BICC1: variants seen among roughly 807,000 people sequenced by gnomAD.
BICC1 encodes protein bicaudal C homolog 1.
Under a neutral mutation model 111.0 loss-of-function variants are expected in BICC1, and 43 were observed. That is an observed-to-expected ratio of 0.39 (90% CI 0.30 to 0.50). The LOEUF is 0.50. Ranked by LOEUF, BICC1 falls within the 20% of genes least tolerant of loss-of-function variation. The probability of loss-of-function intolerance (pLI) is 0.88; values close to 1 mark genes in which losing one functional copy is unlikely to be tolerated. For synonymous variants in BICC1, 467 were observed against 434.4 expected (o/e 1.07, Z -0.93); for missense variants, 1,091 against 1,203.2 (o/e 0.91, Z 1.38).
Position 58,806,996 on chromosome 10 carries a change from T to G in BICC1, c.2222-8T>G. On this transcript the variant is annotated splice_polypyrimidine_tract_variant and splice_region_variant and intron_variant, in intron 16 of 20. Coordinates refer to ENST00000373886, the MANE Select transcript of BICC1 (RefSeq NM_001080512.3). ...ATACCAAGCATTGGTTTTATTTTGT[T>G]TCCAAAGCTATGTTAAAGAAACCAG... The G allele has an allele frequency of 6.2e-7, 1 of 1,608,538 alleles. No homozygotes were observed. Among genetic ancestry groups the G allele is most frequent in the Non-Finnish European group, 8.5e-7 (1 of 1,177,622 alleles).
intron 1 of BICC1, among the ~76,000 whole-genome samples, chr10:58,548,350 T>A (rs1843195682): frequency 6.6e-6 from 1 of 152,230 alleles, no homozygotes; most frequent in Admixed American, 6.5e-5. Flanking sequence ...CAGTGCCTTT[T>A]GCCTTTAGTC....
At chr10:58,826,684 G>A (rs557156047) in intron 20 of BICC1, among the ~76,000 whole-genome samples, 1 of 138,554 alleles carries the variant, frequency 7.2e-6, no homozygotes, top group Middle Eastern at 3.7e-3. Context: ...ACATGAACCC[G>A]GGAAGCGGAG....
intron 1 of BICC1, among the ~76,000 whole-genome samples, chr10:58,538,090 A>G (rs1842867330): frequency 6.6e-6 from 1 of 151,862 alleles, no homozygotes; most frequent in Non-Finnish European, 1.5e-5. Context: ...AAAATAACCA[A>G]CATCGTTTTT....
chr10:58,576,853 A>G (rs1041836828), intron 1 of BICC1, among the ~76,000 whole-genome samples: 2 of 152,198 alleles, frequency 1.3e-5, no homozygotes, highest in African/African-American at 4.8e-5. Context: ...AAAGAAAGTT[A>G]TCCCAGATGT....
intron 3 of BICC1, among the ~76,000 whole-genome samples, chr10:58,738,272 G>A (rs1841539608): frequency 6.6e-6 from 1 of 152,256 alleles, no homozygotes; most frequent in South Asian, 2.1e-4. Context: ...TGTATAAGAT[G>A]TAAGGAAGGG....
intron 1 of BICC1, among the ~76,000 whole-genome samples, chr10:58,513,891 G>A (rs1842170884): frequency 6.6e-6 from 1 of 152,218 alleles, no homozygotes; most frequent in African/African-American, 2.4e-5. Context: ...ATCGGGGTGA[G>A]CAGCCAAAGC....
chr10:58,517,689 C>T (rs1356732819), intron 1 of BICC1, among the ~76,000 whole-genome samples: 1 of 152,150 alleles, frequency 6.6e-6, no homozygotes, highest in Non-Finnish European at 1.5e-5. Context: ...AATCTTGATG[C>T]TACATTTTAA....
intron 2 of BICC1, among the ~76,000 whole-genome samples, chr10:58,636,893 C>T (rs568294994): frequency 1.7e-4 from 26 of 151,930 alleles, no homozygotes; most frequent in Non-Finnish European, 2.8e-4. Context: ...TGAGCAAATG[C>T]GAGAGATGAT....
At chr10:58,569,111 G>A (rs1279617150) in intron 1 of BICC1, among the ~76,000 whole-genome samples, 2 of 152,172 alleles carry the variant, frequency 1.3e-5, no homozygotes, top group Non-Finnish European at 2.9e-5. Context: ...TTTGATAAAA[G>A]TACACTAGAA....
intron 8 of BICC1, among the ~76,000 whole-genome samples, chr10:58,792,736 T>C (rs1843221427): frequency 6.6e-6 from 1 of 152,226 alleles, no homozygotes; most frequent in South Asian, 2.1e-4. Flanking sequence ...CCACTGATTT[T>C]ACATTATGGT....
intron 10 of BICC1, 123 bp downstream of exon 10, chr10:58,796,649 A>G: frequency 1.1e-6 from 1 of 916,324 alleles, no homozygotes; most frequent in Non-Finnish European, 1.6e-6. Flanking sequence ...CTCTAAGATC[A>G]GATGAAAAGC....
At chr10:58,551,973 A>G (rs1360528679) in intron 1 of BICC1, among the ~76,000 whole-genome samples, 2 of 145,344 alleles carry the variant, frequency 1.4e-5, no homozygotes, top group East Asian at 4.0e-4. Context: ...TTGGGGGGGG[A>G]TAGACTCTCC....
At chr10:58,518,589 T>TG (rs574203016) in intron 1 of BICC1, among the ~76,000 whole-genome samples, 6,737 of 105,272 alleles carry the variant, frequency 0.064, 436 homozygotes, top group South Asian at 0.086. Context: ...TATGTGTGTG[T>TG]TGGGGGGGGG....
At chr10:58,694,603 C>T (rs1215792780) in intron 2 of BICC1, among the ~76,000 whole-genome samples, 1 of 152,174 alleles carries the variant, frequency 6.6e-6, no homozygotes, top group Non-Finnish European at 1.5e-5. Flanking sequence ...TGGATTTGTC[C>T]TGTCCTCTGT....
intron 2 of BICC1, among the ~76,000 whole-genome samples, chr10:58,628,178 A>G (rs1305878306): frequency 6.6e-6 from 1 of 152,188 alleles, no homozygotes; most frequent in Non-Finnish European, 1.5e-5. Flanking sequence ...GACCTCCATT[A>G]CTTTTATAAT....
At chr10:58,640,085 A>C (rs532031305) in intron 2 of BICC1, among the ~76,000 whole-genome samples, 1 of 152,188 alleles carries the variant, frequency 6.6e-6, no homozygotes, top group Non-Finnish European at 1.5e-5. Flanking sequence ...TTCAGTAAGC[A>C]TAAGATAACA....
intron 2 of BICC1, among the ~76,000 whole-genome samples, chr10:58,653,123 A>C (rs1332814504): frequency 6.6e-6 from 1 of 152,146 alleles, no homozygotes; most frequent in Non-Finnish European, 1.5e-5. Context: ...GTAGTATTTA[A>C]AAGTTAAGTT....
chr10:58,707,972 C>A (rs1471080835), intron 3 of BICC1, among the ~76,000 whole-genome samples: 1 of 151,140 alleles, frequency 6.6e-6, no homozygotes, highest in Non-Finnish European at 1.5e-5. Flanking sequence ...GCTGGGATTA[C>A]AGGTGTGAGC....
At chr10:58,539,654 A>G (rs1842910964) in intron 1 of BICC1, among the ~76,000 whole-genome samples, 2 of 151,924 alleles carry the variant, frequency 1.3e-5, no homozygotes, top group African/African-American at 4.8e-5. Flanking sequence ...TATAAGGCAA[A>G]CATGGACAAA....
Sources: allele counts gnomAD v4.1 joint callset (sites outside exome capture counted in the v4.1 genomes callset), GRCh38; gene constraint gnomAD v4.1.1; transcripts MANE v1.5; gene names NCBI Gene and HGNC (gene_info 2026-07-23, HGNC 2026-07-21).